Variants in ADH1C observed in about 807,000 individuals in gnomAD.
ADH1C encodes the protein alcohol dehydrogenase 1C (class I), gamma polypeptide, also known as alcohol dehydrogenase 1C.
ADH1C carries 26 observed loss-of-function variants against 35.0 expected under a neutral mutation model. That is an observed-to-expected ratio of 0.74 (90% CI 0.54 to 1.03). The LOEUF (loss-of-function observed/expected upper bound fraction) is 1.03, where lower values mean the gene tolerates loss of function less well. Among genes scored for constraint, ADH1C ranks in the 50% least tolerant of loss-of-function variants. ADH1C has a pLI of 0.00. For missense variants in ADH1C, 413 were observed against 465.4 expected (o/e 0.89, Z 1.04); for synonymous variants, 170 against 169.3 (o/e 1.00, Z -0.03).
In ADH1C at chr4:99,346,571, C is replaced by G. The variant is rs111784292; in HGVS notation, c.259+435G>C. 5.7e-3 allele frequency among the ~76,000 whole-genome samples: 875 copies of G among 152,236 alleles called. 9 individuals carry two copies. Among genetic ancestry groups the G allele is most frequent in the African/African-American group, 0.02 (816 of 41,532 alleles). On this transcript the variant is annotated intron_variant, in intron 3 of 8. Transcript: ENST00000515683. ...TCATGTTTCTTCAGCCATAACCATG[C>G]AGCCTCCATTTTGTGAACTCAGCAC...
intron 1 of ADH1C, among the ~76,000 whole-genome samples, chr4:99,350,199 G>A (rs283416): frequency 0.067 from 10,231 of 152,174 alleles, 378 homozygotes; most frequent in Middle Eastern, 0.09. Context: ...ATTGTCAGGT[G>A]CCTATGATGT....
rs762371733 is a variant in ADH1C at position 99,343,022 on chromosome 4, G to C, written c.601C>G (p.Leu201Val). ...ACAACAGATAGGCCGACCCCTCCCA[G>C]GCCAAACACAGCACAGGTAGACCCT... ...TPGSTCAVFG[L>V]GGVGLSVVMG... is the part of the protein sequence containing the mutation. The change falls in exon 6 of 9, where the codon CTG becomes GTG. Residue 201 changes from leucine (L) to valine (V), a missense_variant. By Grantham distance (32) the Leu-to-Val change is conservative (BLOSUM62 1). Transcript: ENST00000515683. 18 of 1,614,144 alleles carry C rather than the reference G, an allele frequency of 1.1e-5. No individual in the cohort carries two copies. In the South Asian group the frequency reaches 2.0e-4, roughly 18 times the overall value.
chr4:99,339,530 GCT>G, intron 8 of ADH1C, 45 bp downstream of exon 8: 42 of 794,086 alleles, frequency 5.3e-5, no homozygotes, highest in Non-Finnish European at 6.3e-5. Context: ...CCCCCCCGCC[GCT>G]ACTGTAGAAT....
chr4:99,340,646 T>G lies in ADH1C; in HGVS notation c.893A>C (p.Asp298Ala), dbSNP rs1212726831. 1.7e-5 allele frequency: 27 copies of G among 1,613,572 alleles called. No homozygotes were observed. The highest frequency in any genetic ancestry group is 1.5e-4 in the Admixed American group (9 of 60,012). The change falls in exon 7 of 9, where the codon GAT becomes GCT. Residue 298 changes from aspartate (D) to alanine (A), a missense_variant. Coordinates refer to ENST00000515683, the MANE Select transcript of ADH1C (RefSeq NM_000669.5). The stretch of plus-strand genomic sequence containing the variant: ...AGGGTTTATTGAGAGGTTCTGGGAA[T>G]CAGGAGGTACCCCTACAATGACACT... ...GTSVIVGVPP[D>A]SQNLSINPML...
chr4:99,352,393 A>G (rs1426796988), intron 1 of ADH1C, among the ~76,000 whole-genome samples: 1 of 152,200 alleles, frequency 6.6e-6, no homozygotes, highest in African/African-American at 2.4e-5. Flanking sequence ...AATAAAGACA[A>G]TAGATACAGA....
At chr4:99,341,678 C>CT (rs1432268089) in intron 6 of ADH1C, among the ~76,000 whole-genome samples, 2 of 152,262 alleles carry the variant, frequency 1.3e-5, no homozygotes, top group East Asian at 1.9e-4. Context: ...GCAATGGAAA[C>CT]TTTTTTGTTT....
intron 8 of ADH1C, 36 bp downstream of exon 8, chr4:99,339,541 A>G: frequency 6.9e-7 from 1 of 1,440,052 alleles, no homozygotes; most frequent in Non-Finnish European, 9.3e-7. Context: ...CTACTGTAGA[A>G]TACAAAGCAA....
chr4:99,348,198 T>C (rs908601099), intron 1 of ADH1C, among the ~76,000 whole-genome samples: 14 of 151,844 alleles, frequency 9.2e-5, no homozygotes, highest in African/African-American at 3.1e-4. Flanking sequence ...CATATGTATA[T>C]ATGTGCCATG....
rs1734554985 is a variant in ADH1C, at chr4:99,347,156, AGAG to A, written c.121-15_121-13del. 1 of 1,609,086 alleles carries A rather than the reference AGAG, an allele frequency of 6.2e-7. No individual in the cohort carries two copies. Among genetic ancestry groups the A allele is most frequent in the Admixed American group, 1.7e-5 (1 of 58,374 alleles). On this transcript the variant is annotated splice_polypyrimidine_tract_variant and intron_variant, in intron 2 of 8. Coordinates refer to ENST00000515683, the MANE Select transcript of ADH1C (RefSeq NM_000669.5). ...CCTGCAGCCACCATCTACAGAATAA[AGAG>A]AAGATGTTTAGATTCAGAAAAGATT...
Position 99,347,813 on chromosome 4 carries a change from A to T in ADH1C, c.52T>A (p.Leu18Ile). 1 of 1,613,900 alleles carries T rather than the reference A, an allele frequency of 6.2e-7. No individual in the cohort carries two copies. Among genetic ancestry groups the T allele is most frequent in the Non-Finnish European group, 8.5e-7 (1 of 1,179,836 alleles). Residue 18 changes from leucine to isoleucine, a missense_variant, in exon 2 of 9, where the codon TTA becomes ATA. By Grantham distance (5) the Leu-to-Ile change is conservative (BLOSUM62 2). Transcript: ENST00000515683. ...TCCTCAATGGAAAAGGGTTTCTTTAACTCCCATAGCACAGCTGCTTTGCAT... is the reference window on the plus strand; with the variant it reads ...TCCTCAATGGAAAAGGGTTTCTTTATCTCCCATAGCACAGCTGCTTTGCAT... ...IKCKAAVLWELKKPFSIEEVE... is the reference protein window; with the variant it reads ...IKCKAAVLWEIKKPFSIEEVE...
intron 7 of ADH1C, 43 bp from the exon 8 acceptor site, chr4:99,339,758 G>A: frequency 6.4e-7 from 1 of 1,559,032 alleles, no homozygotes; most frequent in East Asian, 2.3e-5. Context: ...ACCAGGGTAA[G>A]TAGGAGAATT....
intron 5 of ADH1C, among the ~76,000 whole-genome samples, chr4:99,343,522 T>A (rs1379694496): frequency 6.6e-6 from 1 of 152,146 alleles, no homozygotes; most frequent in Non-Finnish European, 1.5e-5. Flanking sequence ...ATAAAATAAG[T>A]GGAAAAGGCT....
At chr4:99,341,820 G>A (rs1349639253) in intron 6 of ADH1C, among the ~76,000 whole-genome samples, 2 of 152,044 alleles carry the variant, frequency 1.3e-5, no homozygotes, top group Non-Finnish European at 2.9e-5. Context: ...GATGACATAA[G>A]CACTGCAAGA....
intron 7 of ADH1C, among the ~76,000 whole-genome samples, chr4:99,340,371 G>A (rs568911490): frequency 6.6e-6 from 1 of 151,924 alleles, no homozygotes; most frequent in South Asian, 2.1e-4. Context: ...TCAAGATTGC[G>A]CCACTGCACT....
At chr4:99,347,607 T>C (rs759914839) in intron 2 of ADH1C, 138 bp downstream of exon 2, 5 of 885,852 alleles carry the variant, frequency 5.6e-6, no homozygotes, top group Non-Finnish European at 8.2e-6. Flanking sequence ...ATTTATACTT[T>C]CCTTGACAAC....
Position 99,345,040 on chromosome 4 carries a change from C to T in ADH1C, c.389G>A (p.Arg130Lys), listed in dbSNP as rs76624281. 1 of 1,614,200 alleles carries T rather than the reference C, an allele frequency of 6.2e-7. No homozygotes were observed. Among genetic ancestry groups the T allele is most frequent in the Non-Finnish European group, 8.5e-7 (1 of 1,180,048 alleles). Residue 130 changes from arginine to lysine, a missense_variant, in exon 5 of 9, where the codon AGG becomes AAG. Physicochemically the swap from Arg to Lys is conservative, Grantham distance 26 (BLOSUM62 2). Coordinates refer to ENST00000515683, the MANE Select transcript of ADH1C (RefSeq NM_000669.5). ...PRGTLQDGTR[R>K]FTCSGKPIHH... ...GATGGGCTTCCCGCTGCAGGTGAACCTCCTGGTGCCATCCTGCAGGGTCCC... is the reference window on the plus strand; with the variant it reads ...GATGGGCTTCCCGCTGCAGGTGAACTTCCTGGTGCCATCCTGCAGGGTCCC...
chr4:99,342,718 A>T, intron 6 of ADH1C, 77 bp downstream of exon 6: 1 of 1,579,034 alleles, frequency 6.3e-7, no homozygotes, highest in South Asian at 1.1e-5. Context: ...CTTTATACAT[A>T]ATACGTATAT....
chr4:99,345,251 G>T lies in ADH1C; in HGVS notation c.275C>A (p.Pro92Gln), dbSNP rs775497806. ...TTVKPGDKVI[P>Q]LFTPQCGKCR... ...TTTTCCACACTGAGGAGTAAAGAGCGGGATGACTTTATCACCTGCAGAGGA... is the reference window on the plus strand; with the variant it reads ...TTTTCCACACTGAGGAGTAAAGAGCTGGATGACTTTATCACCTGCAGAGGA... The change falls in exon 4 of 9, where the codon CCG becomes CAG. Residue 92 changes from proline (P) to glutamine (Q), a missense_variant. Pro to Gln is a moderately conservative substitution (Grantham distance 76). Transcript: ENST00000515683. 4.3e-6 allele frequency: 7 copies of T among 1,613,638 alleles called. No individual in the cohort carries two copies. The East Asian group carries it at 6.7e-5, about 15-fold the overall frequency.
At chr4:99,341,849 A>G (rs972835834) in intron 6 of ADH1C, among the ~76,000 whole-genome samples, 1 of 152,098 alleles carries the variant, frequency 6.6e-6, no homozygotes, top group African/African-American at 2.4e-5. Context: ...AGTATTTCAT[A>G]TCAATAATGC....
Sources: gnomAD v4.1 joint callset for allele counts (sites outside exome capture counted in the v4.1 genomes callset) on GRCh38, gnomAD v4.1.1 for gene constraint, MANE v1.5 for transcripts, NCBI Gene and HGNC (gene_info 2026-07-23, HGNC 2026-07-21) for gene names.